Variants in IGSF3 observed in about 807,000 individuals in gnomAD.
The protein encoded by IGSF3 is immunoglobulin superfamily member 3, also known as glu-Trp-Ile EWI motif-containing protein 3.
IGSF3 carries 23 observed loss-of-function variants against 114.4 expected under a neutral mutation model. The ratio of observed to expected loss-of-function variants is 0.20; its 90% CI spans 0.14 to 0.28. IGSF3 has a LOEUF of 0.28. IGSF3 is among the 10% of genes least tolerant of loss of function. IGSF3 has a pLI of 1.00. For missense variants in IGSF3, 1,172 were observed against 1,591.5 expected (o/e 0.74, Z 4.48); for synonymous variants, 571 against 645.2 (o/e 0.88, Z 1.74).
Position 116,577,620 on chromosome 1 carries a change from A to T in IGSF3, c.3335-58T>A, listed in dbSNP as rs762723306. On this transcript the variant is annotated intron_variant, in intron 10 of 10. Transcript: ENST00000369486. This position sits in a 1 kb window ranked among gnomAD's most constrained non-coding sequence, Gnocchi z 5.7. ...AGGGCTGAGAACCTGGACTGCTCACATTTCCTTTTGAAGACCTCACCTGAC... is the reference window on the plus strand; with the variant it reads ...AGGGCTGAGAACCTGGACTGCTCACTTTTCCTTTTGAAGACCTCACCTGAC... 1.7e-5 allele frequency: 27 copies of T among 1,576,292 alleles called. No homozygotes were observed. The highest frequency in any genetic ancestry group is 2.3e-5 in the Non-Finnish European group (27 of 1,157,734).
chr1:116,617,155 C>A (rs528345962), intron 2 of IGSF3: 2 of 246,450 alleles, frequency 8.1e-6, no homozygotes, highest in Non-Finnish European at 1.3e-5. Flanking sequence ...GGGGAACTAA[C>A]AGTGCCCAGC....
rs560022533 is a variant in IGSF3 at position 116,664,911 on chromosome 1, C to T, written c.43+1373G>A. Reference sequence around the variant, plus strand: ...TGAGACCTGGGTCCCACTCCCTAAGCGAGTTTGGTTTCACTGATCTGGGGT... The same window carrying T: ...TGAGACCTGGGTCCCACTCCCTAAGTGAGTTTGGTTTCACTGATCTGGGGT... On this transcript the variant is annotated intron_variant, in intron 2 of 10. Transcript: ENST00000369486. The surrounding 1 kb of genome is among the most constrained non-coding windows in gnomAD (Gnocchi z 4.6). Among the ~76,000 whole-genome samples the T allele has an allele frequency of 3.9e-5, 6 of 152,284 alleles. No homozygotes were observed. The South Asian group carries it at 1.0e-3, about 26-fold the overall frequency.
At position 116,589,997 on chromosome 1, in the gene IGSF3, G is replaced by T. The variant is rs948082804; in HGVS notation, c.2030-893C>A. 6.6e-6 allele frequency among the ~76,000 whole-genome samples: 1 copy of T among 152,128 alleles called. No individual in the cohort carries two copies. The highest frequency in any genetic ancestry group is 2.4e-5 in the African/African-American group (1 of 41,420). On this transcript the variant is annotated intron_variant, in intron 7 of 10. Coordinates refer to ENST00000369486, the MANE Select transcript of IGSF3 (RefSeq NM_001007237.3). This position sits in a 1 kb window ranked among gnomAD's most constrained non-coding sequence, Gnocchi z 5.7. ...TCAGTGTTTGCTGAAATAGGTGAAC[G>T]AGTGGGTGAGCGAATGAGAGCACGT...
chr1:116,598,211 T>C lies in IGSF3; in HGVS notation c.2029+1730A>G, dbSNP rs1332399359. On this transcript the variant is annotated intron_variant, in intron 7 of 10. Coordinates refer to ENST00000369486, the MANE Select transcript of IGSF3 (RefSeq NM_001007237.3). This position sits in a 1 kb window ranked among gnomAD's most constrained non-coding sequence, Gnocchi z 4.3. The stretch of plus-strand genomic sequence containing the variant: ...TCTACCTTCTACAGCTGCAGAACCA[T>C]GTGATGGGCAATGCTGCTCAGAAAA... Among the ~76,000 whole-genome samples the C allele has an allele frequency of 6.6e-6, 1 of 151,710 alleles. No homozygotes were observed. The highest frequency in any genetic ancestry group is 1.9e-4 in the East Asian group (1 of 5,174).
Position 116,666,515 on chromosome 1 carries a change from C to G in IGSF3, c.-189G>C. On this transcript the variant is annotated 5_prime_UTR_variant, in exon 2 of 11. Transcript: ENST00000369486. ...TTGGGGGGAAGGGGAGGAGTGGAGGCAAGTGTGAAAACTCCCCTATGCTAC... is the reference window on the plus strand; with the variant it reads ...TTGGGGGGAAGGGGAGGAGTGGAGGGAAGTGTGAAAACTCCCCTATGCTAC... 6.3e-6 allele frequency: 4 copies of G among 632,576 alleles called. No homozygotes were observed. The highest frequency in any genetic ancestry group is 3.8e-5 in the South Asian group (2 of 52,372). The allele number at this position is 632,576 out of a possible 1,614,324, so 39.2% of individuals were successfully genotyped here.
Position 116,636,251 on chromosome 1 carries a change from T to C in IGSF3, c.44-19794A>G, listed in dbSNP as rs866592930. ...TCAAAGTTGCTTTCACAGGCATCTG[T>C]TCAGCTATCCACTCTTCACGGCTTG... On this transcript the variant is annotated intron_variant, in intron 2 of 10. Coordinates refer to ENST00000369486, the MANE Select transcript of IGSF3 (RefSeq NM_001007237.3). This position sits in a 1 kb window ranked among gnomAD's most constrained non-coding sequence, Gnocchi z 4.5. 6.6e-6 allele frequency among the ~76,000 whole-genome samples: 1 copy of C among 152,214 alleles called. No individual in the cohort carries two copies. Among genetic ancestry groups the C allele is most frequent in the Non-Finnish European group, 1.5e-5 (1 of 68,042 alleles).
chr1:116,647,414 G>C lies in IGSF3; in HGVS notation c.43+18870C>G, dbSNP rs1156849078. On this transcript the variant is annotated intron_variant, in intron 2 of 10. Coordinates refer to ENST00000369486, the MANE Select transcript of IGSF3 (RefSeq NM_001007237.3). This position sits in a 1 kb window ranked among gnomAD's most constrained non-coding sequence, Gnocchi z 4.6. ...TGTGGCCCAAATTCCAGCTCCAAAT[G>C]GTCACACCATGTCTACAGCCAATCA... Among the ~76,000 whole-genome samples, 3 of 152,148 alleles carry C rather than the reference G, an allele frequency of 2.0e-5. No individual in the cohort carries two copies. The highest frequency in any genetic ancestry group is 4.4e-5 in the Non-Finnish European group (3 of 68,026).
rs1432189120 is a variant in IGSF3, at chr1:116,629,111, CCAAA to C, written c.44-12658_44-12655del. ...GGGTCACAAAAGCAGGAAAAGGTCC[CCAAA>C]CAAAGAATCCATCAGTCAATTACAG... On this transcript the variant is annotated intron_variant, in intron 2 of 10. Transcript: ENST00000369486. This position sits in a 1 kb window ranked among gnomAD's most constrained non-coding sequence, Gnocchi z 4.3. 2.0e-5 allele frequency among the ~76,000 whole-genome samples: 3 copies of C among 152,086 alleles called. No individual in the cohort carries two copies. Among genetic ancestry groups the C allele is most frequent in the South Asian group, 2.1e-4 (1 of 4,826 alleles).
rs1190208363 is a variant in IGSF3, at chr1:116,605,530, G to A, written c.1223-1505C>T. ...GGCTCCTGAACAGTCACCATCTATA[G>A]CACTAATGGTTAAGGGGATGGATTT... On this transcript the variant is annotated intron_variant, in intron 5 of 10. Coordinates refer to ENST00000369486, the MANE Select transcript of IGSF3 (RefSeq NM_001007237.3). The surrounding 1 kb of genome is among the most constrained non-coding windows in gnomAD (Gnocchi z 5.1). Among the ~76,000 whole-genome samples, 1 of 152,146 alleles carries A rather than the reference G, an allele frequency of 6.6e-6. No homozygotes were observed. Among genetic ancestry groups the A allele is most frequent in the Non-Finnish European group, 1.5e-5 (1 of 68,028 alleles).
rs373377392 is a variant in IGSF3, at chr1:116,585,814, C to A, written c.2441-762G>T. Among the ~76,000 whole-genome samples, 1 of 151,988 alleles carries A rather than the reference C, an allele frequency of 6.6e-6. No homozygotes were observed. ...GTGTGCGCCTGTAATCCCAGCTACT[C>A]GGGAGGTGAAGGTTGCAGTGAGCTA... On this transcript the variant is annotated intron_variant, in intron 8 of 10. Transcript: ENST00000369486. The surrounding 1 kb of genome is among the most constrained non-coding windows in gnomAD (Gnocchi z 4.9).
At position 116,588,477 on chromosome 1, in the gene IGSF3, G is replaced by A. The variant is rs902238501; in HGVS notation, c.2440+217C>T. 1.7e-4 allele frequency among the ~76,000 whole-genome samples: 26 copies of A among 152,158 alleles called. No homozygotes were observed. The highest frequency in any genetic ancestry group is 6.5e-5 in the Admixed American group (1 of 15,292). Reference sequence around the variant, plus strand: ...TGGTATCCACAGAAGCAGAGTCAAGGATGCTTCCATGAGTCTGCCGTCAGC... The same window carrying A: ...TGGTATCCACAGAAGCAGAGTCAAGAATGCTTCCATGAGTCTGCCGTCAGC... On this transcript the variant is annotated intron_variant, in intron 8 of 10. Transcript: ENST00000369486. The surrounding 1 kb of genome is among the most constrained non-coding windows in gnomAD (Gnocchi z 4.9).
Position 116,592,424 on chromosome 1 carries a change from C to A in IGSF3, c.2030-3320G>T, listed in dbSNP as rs1660154239. 6.6e-6 allele frequency among the ~76,000 whole-genome samples: 1 copy of A among 152,232 alleles called. No individual in the cohort carries two copies. Among genetic ancestry groups the A allele is most frequent in the African/African-American group, 2.4e-5 (1 of 41,460 alleles). On this transcript the variant is annotated intron_variant, in intron 7 of 10. Transcript: ENST00000369486. This position sits in a 1 kb window ranked among gnomAD's most constrained non-coding sequence, Gnocchi z 4.5. ...TTCACAGCAGCCCCCAGAGGCCAGG[C>A]CCTGCTTTGAGGGAGTGGCCCTTTC...
Position 116,667,419 on chromosome 1 carries a change from T to C in IGSF3, c.-631+199A>G, listed in dbSNP as rs142102696. 1.2e-3 allele frequency among the ~76,000 whole-genome samples: 179 copies of C among 151,932 alleles called. 1 individual carries two copies. Among genetic ancestry groups the C allele is most frequent in the African/African-American group, 4.1e-3 (172 of 41,458 alleles). ...GAAAAGAAACCGGGGAAGAAGGGAG[T>C]CCGGAGCTCCGCTTTCAGCTGCCGG... On this transcript the variant is annotated intron_variant, in intron 1 of 10. Coordinates refer to ENST00000369486, the MANE Select transcript of IGSF3 (RefSeq NM_001007237.3).
rs1388433523 is a variant in IGSF3, at chr1:116,636,086, G to C, written c.44-19629C>G. 1.3e-5 allele frequency among the ~76,000 whole-genome samples: 2 copies of C among 152,054 alleles called. No individual in the cohort carries two copies. The highest frequency in any genetic ancestry group is 2.9e-5 in the Non-Finnish European group (2 of 68,016). On this transcript the variant is annotated intron_variant, in intron 2 of 10. Coordinates refer to ENST00000369486, the MANE Select transcript of IGSF3 (RefSeq NM_001007237.3). This position sits in a 1 kb window ranked among gnomAD's most constrained non-coding sequence, Gnocchi z 4.5. Reference sequence around the variant, plus strand: ...GCCAGAACAACTGTCTTCCTCACAGGTGCCAGCCATCACCCCGACCACACC... The same window carrying C: ...GCCAGAACAACTGTCTTCCTCACAGCTGCCAGCCATCACCCCGACCACACC...
At chr1:116,640,381 T>G (rs1176738901) in intron 2 of IGSF3, among the ~76,000 whole-genome samples, 2 of 152,200 alleles carry the variant, frequency 1.3e-5, no homozygotes, top group Non-Finnish European at 2.9e-5. Flanking sequence ...TTTCACCCCC[T>G]TTCAAGCCCC....
rs1260757864 is a variant in IGSF3, at chr1:116,655,275, A to G, written c.43+11009T>C. Among the ~76,000 whole-genome samples, 1 of 152,246 alleles carries G rather than the reference A, an allele frequency of 6.6e-6. No individual in the cohort carries two copies. Among genetic ancestry groups the G allele is most frequent in the Non-Finnish European group, 1.5e-5 (1 of 68,038 alleles). On this transcript the variant is annotated intron_variant, in intron 2 of 10. Transcript: ENST00000369486. The surrounding 1 kb of genome is among the most constrained non-coding windows in gnomAD (Gnocchi z 4.3). ...AGGAAAAGTATTAGAAGTAGATTCT[A>G]CTAGAACAGGGGCTACCCCCAGAGG...
In IGSF3 at chr1:116,654,660, G is replaced by T. The variant is rs149239715; in HGVS notation, c.43+11624C>A. Among the ~76,000 whole-genome samples the T allele has an allele frequency of 6.6e-6, 1 of 152,118 alleles. No homozygotes were observed. The highest frequency in any genetic ancestry group is 1.5e-5 in the Non-Finnish European group (1 of 68,004). On this transcript the variant is annotated intron_variant, in intron 2 of 10. Coordinates refer to ENST00000369486, the MANE Select transcript of IGSF3 (RefSeq NM_001007237.3). This position sits in a 1 kb window ranked among gnomAD's most constrained non-coding sequence, Gnocchi z 4.4. Reference sequence around the variant, plus strand: ...CATACGAGGCTCCTCTGGTATGGACGGTGTCTCCTCTCTGGTGGGAAGTAT... The same window carrying T: ...CATACGAGGCTCCTCTGGTATGGACTGTGTCTCCTCTCTGGTGGGAAGTAT...
chr1:116,614,453 T>C lies in IGSF3; in HGVS notation c.422-278A>G, dbSNP rs1166395546. On this transcript the variant is annotated intron_variant, in intron 3 of 10. Transcript: ENST00000369486. The surrounding 1 kb of genome is among the most constrained non-coding windows in gnomAD (Gnocchi z 4.5). ...GGTGTATTTCATATTACATAATAAA[T>C]AAACTCCCTGAAAATACTGTCTTTA... Among the ~76,000 whole-genome samples the C allele has an allele frequency of 6.6e-6, 1 of 152,210 alleles. No homozygotes were observed. Among genetic ancestry groups the C allele is most frequent in the Non-Finnish European group, 1.5e-5 (1 of 68,030 alleles).
In IGSF3 at chr1:116,607,899, T is replaced by C; in HGVS notation, c.1222+43A>G. ...CTCTCCCCCTACCTCTCCTAAATGA[T>C]GCTGAGCCAAAGGAGAAGAAAGCAG... On this transcript the variant is annotated intron_variant, in intron 5 of 10. Coordinates refer to ENST00000369486, the MANE Select transcript of IGSF3 (RefSeq NM_001007237.3). This position sits in a 1 kb window ranked among gnomAD's most constrained non-coding sequence, Gnocchi z 6.1. 6.3e-7 allele frequency: 1 copy of C among 1,592,622 alleles called. No homozygotes were observed. The highest frequency in any genetic ancestry group is 8.6e-7 in the Non-Finnish European group (1 of 1,165,362).
Sources: gnomAD v4.1 joint callset for allele counts (sites outside exome capture counted in the v4.1 genomes callset) on GRCh38, gnomAD v4.1.1 for gene constraint, Gnocchi (gnomAD v3.1) non-coding constraint, MANE v1.5 for transcripts, NCBI Gene and HGNC (gene_info 2026-07-23, HGNC 2026-07-21) for gene names.